The following NBAS variants were observed in gnomAD, a reference collection of about 807,000 sequenced individuals.
NBAS encodes the protein NAG/BC035112 fusion.
A neutral mutation model predicts 302.5 loss-of-function variants in NBAS; 219 were observed. That is an observed-to-expected ratio of 0.72 (90% CI 0.65 to 0.81). The LOEUF (loss-of-function observed/expected upper bound fraction) is 0.81. NBAS is among the 30% of genes least tolerant of loss of function. NBAS has a pLI of 0.00. For synonymous variants in NBAS, 1,118 were observed against 1,021.6 expected (o/e 1.09, Z -1.80); for missense variants, 2,932 against 2,841.6 (o/e 1.03, Z -0.72).
chr2:14,875,581 A>T, the NBAS span, among the ~76,000 whole-genome samples: 1 of 152,284 alleles, frequency 6.6e-6, no homozygotes, highest in East Asian at 1.9e-4. Context: ...ACACCACTGC[A>T]CTCCAGTCTG....
At chr2:14,837,892 C>A in the NBAS span, among the ~76,000 whole-genome samples, 1 of 151,676 alleles carries the variant, frequency 6.6e-6, no homozygotes, top group Non-Finnish European at 1.5e-5. Flanking sequence ...TTAGTATTTA[C>A]GCTAGTCTCC....
intron 44 of NBAS, among the ~76,000 whole-genome samples, chr2:15,259,601 G>T (rs1668759590): frequency 6.6e-6 from 1 of 152,164 alleles, no homozygotes; most frequent in Non-Finnish European, 1.5e-5. Context: ...CCTGGGATCA[G>T]TCTCTTTGCA....
the NBAS span, among the ~76,000 whole-genome samples, chr2:14,821,321 T>C: frequency 2.0e-5 from 3 of 152,184 alleles, no homozygotes; most frequent in African/African-American, 4.8e-5. Context: ...GGCCTAGTTA[T>C]GTTTACAGCA....
chr2:15,475,877 T>C lies in NBAS; in HGVS notation c.1151A>G (p.Lys384Arg). Residue 384 changes from lysine (K) to arginine (R), a missense_variant, in exon 14 of 52, where the codon AAA becomes AGA. Physicochemically the swap from Lys to Arg is conservative, Grantham distance 26. Transcript: ENST00000281513. ...STEKRKKIKD[K>R]ESFYPLIDVN... ...ATCTATCAGTGGGTAAAAGGACTCTTTATCTAAGAAGCGAAAAACAAATCA... is the reference window on the plus strand; with the variant it reads ...ATCTATCAGTGGGTAAAAGGACTCTCTATCTAAGAAGCGAAAAACAAATCA... The C allele has an allele frequency of 6.2e-7, 1 of 1,612,410 alleles. No homozygotes were observed. Among genetic ancestry groups the C allele is most frequent in the Non-Finnish European group, 8.5e-7 (1 of 1,178,752 alleles).
At chr2:15,016,929 T>A in the NBAS span, among the ~76,000 whole-genome samples, 1 of 152,202 alleles carries the variant, frequency 6.6e-6, no homozygotes, top group East Asian at 1.9e-4. Context: ...TGCATAATAA[T>A]CACATCATGT....
rs142391962 is a variant in NBAS at position 15,167,047 on chromosome 2, C to T, written c.*1G>A. The T allele has an allele frequency of 4.9e-5, 76 of 1,545,806 alleles. No homozygotes were observed. The African/African-American group carries it at 1.0e-3, about 20-fold the overall frequency. Reference sequence around the variant, plus strand: ...CTAAGGAGCAGGGCCACAGGTGGCCCTCACACCCAGTGCTGTGCTGCGCGG... The same window carrying T: ...CTAAGGAGCAGGGCCACAGGTGGCCTTCACACCCAGTGCTGTGCTGCGCGG... On this transcript the variant is annotated 3_prime_UTR_variant, in exon 52 of 52. Transcript: ENST00000281513.
chr2:15,217,444 A>G (rs1666703259), intron 48 of NBAS, among the ~76,000 whole-genome samples: 2 of 152,358 alleles, frequency 1.3e-5, no homozygotes, highest in South Asian at 4.1e-4. Context: ...AATATTCTTA[A>G]AATCTGATTC....
At chr2:15,407,478 G>A (rs77643761) in intron 25 of NBAS, among the ~76,000 whole-genome samples, 3,093 of 152,156 alleles carry the variant, frequency 0.02, 69 homozygotes, top group East Asian at 0.06. Context: ...ACTTGAAACC[G>A]CTCAATCCCT....
chr2:15,229,948 A>C (rs1393842720), intron 47 of NBAS, among the ~76,000 whole-genome samples: 1 of 152,162 alleles, frequency 6.6e-6, no homozygotes, highest in African/African-American at 2.4e-5. Context: ...TAGTATATAC[A>C]TAACCCAAAA....
At chr2:15,557,343 A>G (rs1460539111) in intron 2 of NBAS, among the ~76,000 whole-genome samples, 1 of 152,174 alleles carries the variant, frequency 6.6e-6, no homozygotes, top group Admixed American at 6.5e-5. Flanking sequence ...GCAGTTAGGT[A>G]TATATCAATG....
At chr2:14,951,717 T>C in the NBAS span, among the ~76,000 whole-genome samples, 1 of 152,318 alleles carries the variant, frequency 6.6e-6, no homozygotes, top group Middle Eastern at 3.4e-3. Flanking sequence ...TGACATTGTT[T>C]ATTGCATTTC....
the NBAS span, among the ~76,000 whole-genome samples, chr2:14,841,958 A>G: frequency 2.6e-5 from 4 of 151,984 alleles, no homozygotes; most frequent in Non-Finnish European, 4.4e-5. Context: ...CAAGTCTCAA[A>G]CAATTCAAAA....
At chr2:15,437,884 A>G (rs1678111358) in intron 21 of NBAS, among the ~76,000 whole-genome samples, 1 of 152,212 alleles carries the variant, frequency 6.6e-6, no homozygotes, top group Non-Finnish European at 1.5e-5. Context: ...AGAGAAAATG[A>G]CCCTGAGAGG....
At chr2:15,045,138 G>C in the NBAS span, among the ~76,000 whole-genome samples, 2 of 152,174 alleles carry the variant, frequency 1.3e-5, no homozygotes, top group East Asian at 3.9e-4. Flanking sequence ...CTGCAAATCA[G>C]ACAAATCAAT....
At chr2:14,829,639 C>T in the NBAS span, among the ~76,000 whole-genome samples, 1 of 152,126 alleles carries the variant, frequency 6.6e-6, no homozygotes, top group Non-Finnish European at 1.5e-5. Flanking sequence ...CATTCTGGTG[C>T]TCCTCAACTT....
At chr2:15,069,481 A>G in the NBAS span, among the ~76,000 whole-genome samples, 2 of 152,086 alleles carry the variant, frequency 1.3e-5, no homozygotes, top group African/African-American at 2.4e-5. Flanking sequence ...AACGATCTCT[A>G]TCCTTCAGAT....
At chr2:14,818,810 G>T in the NBAS span, among the ~76,000 whole-genome samples, 3 of 152,232 alleles carry the variant, frequency 2.0e-5, no homozygotes, top group Admixed American at 1.3e-4. Flanking sequence ...GAGCCATAAA[G>T]AACTCTCTGC....
chr2:15,232,743 A>T (rs1167604758), intron 46 of NBAS, among the ~76,000 whole-genome samples: 2 of 152,212 alleles, frequency 1.3e-5, no homozygotes, highest in African/African-American at 4.8e-5. Context: ...TTTCCTATCA[A>T]GAGAATAACA....
At chr2:14,884,034 A>G in the NBAS span, among the ~76,000 whole-genome samples, 1 of 152,072 alleles carries the variant, frequency 6.6e-6, no homozygotes, top group African/African-American at 2.4e-5. Context: ...TAAATACAAC[A>G]TGGAAAGAGC....
Sources: allele counts gnomAD v4.1 joint callset (sites outside exome capture counted in the v4.1 genomes callset), GRCh38; gene constraint gnomAD v4.1.1; transcripts MANE v1.5; gene names NCBI Gene and HGNC (gene_info 2026-07-23, HGNC 2026-07-21).